MCTP2: variants seen among roughly 807,000 people sequenced by gnomAD.
The protein encoded by MCTP2 is multiple C2 and transmembrane domain-containing protein 2.
MCTP2 carries 132 observed loss-of-function variants against 111.6 expected under a neutral mutation model. That is an observed-to-expected ratio of 1.18 (90% CI 1.03 to 1.37). The LOEUF is 1.37. Ranked by LOEUF, MCTP2 falls within the 40% of genes most tolerant of loss-of-function variation. MCTP2 has a pLI of 0.00. For synonymous variants in MCTP2, 395 were observed against 387.7 expected (o/e 1.02, Z -0.22); for missense variants, 1,183 against 1,067.9 (o/e 1.11, Z -1.50).
At chr15:94,372,545 T>TA (rs538070529) in intron 12 of MCTP2, among the ~76,000 whole-genome samples, 35 of 152,354 alleles carry the variant, frequency 2.3e-4, no homozygotes, top group African/African-American at 7.9e-4. Flanking sequence ...GATCAGGCAT[T>TA]ACTGCTGTTA....
At chr15:94,302,592 A>G (rs2075674568) in intron 2 of MCTP2, among the ~76,000 whole-genome samples, 1 of 152,164 alleles carries the variant, frequency 6.6e-6, no homozygotes, top group East Asian at 1.9e-4. Flanking sequence ...CTTGAGCTCC[A>G]GATCCACACC....
intron 4 of MCTP2, among the ~76,000 whole-genome samples, chr15:94,338,804 C>T (rs911793448): frequency 1.3e-5 from 2 of 152,148 alleles, no homozygotes; most frequent in East Asian, 1.9e-4. Context: ...CACTTGTAGC[C>T]CCATCGTGCC....
At chr15:94,458,280 T>C (rs1348676098) in intron 20 of MCTP2, 34 bp downstream of exon 20, 2 of 1,265,532 alleles carry the variant, frequency 1.6e-6, no homozygotes. Flanking sequence ...GTGTTTGCAG[T>C]AGACCTGCTA....
chr15:94,312,561 G>A (rs181414579), intron 2 of MCTP2, among the ~76,000 whole-genome samples: 1 of 152,358 alleles, frequency 6.6e-6, no homozygotes, highest in Admixed American at 6.5e-5. Flanking sequence ...GAAAAAGCTT[G>A]TGTCTGAAAT....
At chr15:94,346,167 T>C (rs1444998714) in intron 8 of MCTP2, among the ~76,000 whole-genome samples, 1 of 152,214 alleles carries the variant, frequency 6.6e-6, no homozygotes, top group Non-Finnish European at 1.5e-5. Flanking sequence ...AATTTTAAAC[T>C]GACTTTTACT....
chr15:94,395,243 C>T (rs1012274891), intron 14 of MCTP2, among the ~76,000 whole-genome samples: 3 of 152,180 alleles, frequency 2.0e-5, no homozygotes, highest in Admixed American at 6.5e-5. Context: ...GGTATTGTCA[C>T]GTTATTTTCC....
Position 94,384,025 on chromosome 15 carries a change from AGAGTGAC to A in MCTP2, c.1587_1593del (p.Lys529AsnfsTer8). ...GATGTGTATGTTATCTTTCCAGGGAAGAGTGACCCATTTTGCTTGTTGGAGTTAGGCA... is the reference window on the plus strand; with the variant it reads ...GATGTGTATGTTATCTTTCCAGGGAACCATTTTGCTTGTTGGAGTTAGGCA... On this transcript the variant is annotated frameshift_variant, in exon 13 of 23. Coordinates refer to ENST00000357742, the MANE Select transcript of MCTP2 (RefSeq NM_001385001.1). LOFTEE classifies it high-confidence loss of function. The A allele has an allele frequency of 6.2e-7, 1 of 1,610,966 alleles. No homozygotes were observed. The highest frequency in any genetic ancestry group is 8.5e-7 in the Non-Finnish European group (1 of 1,177,270).
At chr15:94,281,236 G>A (rs2074468705) in intron 1 of MCTP2, among the ~76,000 whole-genome samples, 1 of 152,080 alleles carries the variant, frequency 6.6e-6, no homozygotes, top group African/African-American at 2.4e-5. Context: ...TTATGAATCT[G>A]GCTGCTCCAG....
chr15:94,466,996 CAAT>C (rs1419837219), intron 20 of MCTP2, among the ~76,000 whole-genome samples: 1 of 152,060 alleles, frequency 6.6e-6, no homozygotes, highest in African/African-American at 2.4e-5. Flanking sequence ...GTGTTTTGTG[CAAT>C]AACAATGAGA....
intron 10 of MCTP2, among the ~76,000 whole-genome samples, chr15:94,364,395 C>G (rs2079083365): frequency 6.6e-6 from 1 of 152,024 alleles, no homozygotes; most frequent in Non-Finnish European, 1.5e-5. Flanking sequence ...CAGAAAAGAG[C>G]AAGATTTTAC....
intron 1 of MCTP2, among the ~76,000 whole-genome samples, chr15:94,290,911 C>G (rs2075001299): frequency 6.6e-6 from 1 of 152,142 alleles, no homozygotes; most frequent in Admixed American, 6.5e-5. Context: ...GAAGCAAAAA[C>G]TGATGTAACT....
intron 4 of MCTP2, among the ~76,000 whole-genome samples, chr15:94,319,037 G>GTTTTTTTT (rs35821375): frequency 6.8e-6 from 1 of 146,472 alleles, no homozygotes; most frequent in Non-Finnish European, 1.5e-5. Context: ...ATTGTTCTTG[G>GTTTTTTTT]TTTTTTTTTT....
chr15:94,473,022 T>A (rs2074055999), intron 21 of MCTP2, among the ~76,000 whole-genome samples: 1 of 152,120 alleles, frequency 6.6e-6, no homozygotes, highest in Non-Finnish European at 1.5e-5. Flanking sequence ...TATTGAGTGC[T>A]AAAATGGTGA....
At chr15:94,463,669 A>G (rs1486786573) in intron 20 of MCTP2, among the ~76,000 whole-genome samples, 1 of 152,148 alleles carries the variant, frequency 6.6e-6, no homozygotes, top group East Asian at 1.9e-4. Flanking sequence ...CTCAGAAAGA[A>G]AGCTTTCAAC....
intron 20 of MCTP2, among the ~76,000 whole-genome samples, chr15:94,460,100 A>T (rs1014846503): frequency 6.6e-6 from 1 of 152,218 alleles, no homozygotes; most frequent in African/African-American, 2.4e-5. Flanking sequence ...CTCTATTTCA[A>T]TGAGGGAGAA....
At chr15:94,396,515 T>G (rs886910535) in intron 14 of MCTP2, among the ~76,000 whole-genome samples, 3 of 152,262 alleles carry the variant, frequency 2.0e-5, no homozygotes, top group Admixed American at 6.5e-5. Flanking sequence ...TTTGGCAAGT[T>G]GGATGATACA....
intron 14 of MCTP2, 104 bp downstream of exon 14, chr15:94,385,629 C>A: frequency 1.3e-6 from 1 of 781,142 alleles, no homozygotes; most frequent in Non-Finnish European, 2.2e-6. Flanking sequence ...GAAAAAAATC[C>A]TCCTAACTAT....
At chr15:94,377,885 G>T (rs1382325957) in intron 12 of MCTP2, among the ~76,000 whole-genome samples, 1 of 152,102 alleles carries the variant, frequency 6.6e-6, no homozygotes, top group Non-Finnish European at 1.5e-5. Context: ...ACTTGAAAAT[G>T]AGGAAACAGC....
At chr15:94,426,806 G>A (rs2082914289) in intron 17 of MCTP2, among the ~76,000 whole-genome samples, 2 of 152,050 alleles carry the variant, frequency 1.3e-5, no homozygotes, top group Non-Finnish European at 1.5e-5. Flanking sequence ...TTAGAATATA[G>A]CAAGTCACTC....
Sources: allele counts gnomAD v4.1 joint callset (sites outside exome capture counted in the v4.1 genomes callset), GRCh38; gene constraint gnomAD v4.1.1; transcripts MANE v1.5; gene names NCBI Gene and HGNC (gene_info 2026-07-23, HGNC 2026-07-21).